Variants in LSAMP observed in about 807,000 individuals in gnomAD.
The protein encoded by LSAMP is limbic system associated membrane protein, also known as limbic system-associated membrane protein.
Under a neutral mutation model 38.6 loss-of-function variants are expected in LSAMP, and 7 were observed. The observed-to-expected ratio is 0.18, with a 90% confidence interval of 0.10 to 0.34. The LOEUF is 0.34. Among genes scored for constraint, LSAMP ranks in the 10% least tolerant of loss-of-function variants. The pLI is 1.00. For missense variants in LSAMP, 313 were observed against 420.0 expected (o/e 0.75, Z 2.23); for synonymous variants, 154 against 166.8 (o/e 0.92, Z 0.59).
intron 1 of LSAMP, among the ~76,000 whole-genome samples, chr3:116,347,586 T>C (rs911001840): frequency 2.0e-5 from 3 of 152,148 alleles, no homozygotes; most frequent in African/African-American, 7.2e-5. Context: ...AATATTTAGA[T>C]ATATTTGTTT....
chr3:115,938,290 C>T (rs1272060796), intron 3 of LSAMP, among the ~76,000 whole-genome samples: 1 of 152,114 alleles, frequency 6.6e-6, no homozygotes, highest in Non-Finnish European at 1.5e-5. Flanking sequence ...AAAATAAATA[C>T]ATCATTGTAC....
chr3:116,160,583 G>T (rs986272047), intron 1 of LSAMP, among the ~76,000 whole-genome samples: 1 of 152,112 alleles, frequency 6.6e-6, no homozygotes, highest in African/African-American at 2.4e-5. Flanking sequence ...TTACCTGGGT[G>T]ATGAAATAAT....
intron 1 of LSAMP, among the ~76,000 whole-genome samples, chr3:116,265,158 A>C (rs1433840862): frequency 1.3e-5 from 2 of 152,192 alleles, no homozygotes; most frequent in Admixed American, 1.3e-4. Flanking sequence ...GGGGACAAAG[A>C]CCTAATATAT....
intron 1 of LSAMP, among the ~76,000 whole-genome samples, chr3:116,265,663 C>A (rs1189842886): frequency 6.6e-6 from 1 of 152,152 alleles, no homozygotes; most frequent in African/African-American, 2.4e-5. Flanking sequence ...TCATCCTCCC[C>A]ACCTGTGAAA....
chr3:115,823,647 AAAAC>A (rs1181937155), intron 6 of LSAMP, among the ~76,000 whole-genome samples: 2 of 152,220 alleles, frequency 1.3e-5, no homozygotes, highest in African/African-American at 2.4e-5. Flanking sequence ...TTTTTTAAAA[AAAAC>A]CTTTAAATGT....
chr3:116,206,104 A>T (rs2046064332), intron 1 of LSAMP, among the ~76,000 whole-genome samples: 1 of 151,058 alleles, frequency 6.6e-6, no homozygotes, highest in Non-Finnish European at 1.5e-5. Flanking sequence ...CTATTCAGAG[A>T]TTCAACTTCT....
At chr3:116,222,741 TTTTTTTTTTTTTTTTG>T in intron 1 of LSAMP, among the ~76,000 whole-genome samples, 1 of 119,812 alleles carries the variant, frequency 8.3e-6, no homozygotes, top group African/African-American at 3.3e-5. Flanking sequence ...TTTTTTTTTT[TTTTTTTTTTTTTTTTG>T]AGATGGAGTC....
chr3:116,007,281 A>G (rs1035055222), intron 3 of LSAMP, among the ~76,000 whole-genome samples: 1 of 120,674 alleles, frequency 8.3e-6, no homozygotes, highest in South Asian at 2.3e-4. Flanking sequence ...AAAGGAAATG[A>G]CAAGGTATTT....
In LSAMP at chr3:116,024,802, T is replaced by TTAA. The variant is rs200360142; in HGVS notation, c.389-5163_389-5162insTTA. 4.6e-3 allele frequency among the ~76,000 whole-genome samples: 694 copies of TTAA among 150,886 alleles called. 2 individuals carry two copies. Among genetic ancestry groups the TTAA allele is most frequent in the African/African-American group, 0.016 (663 of 41,216 alleles). ...GAAGTAAAATGTATTATTATTATTA[T>TTAA]TATCATTATCATTATTACTACCACT... On this transcript the variant is annotated intron_variant, in intron 2 of 6. Transcript: ENST00000490035.
intron 1 of LSAMP, among the ~76,000 whole-genome samples, chr3:116,198,619 A>C (rs763289599): frequency 1.1e-4 from 17 of 151,752 alleles, no homozygotes; most frequent in Non-Finnish European, 2.4e-4. Flanking sequence ...AAAATACAAA[A>C]AATTAGCCGG....
Position 115,810,891 on chromosome 3 carries a change from G to C in LSAMP, c.920-477C>G, listed in dbSNP as rs977779965. 2.0e-5 allele frequency among the ~76,000 whole-genome samples: 3 copies of C among 152,140 alleles called. No individual in the cohort carries two copies. In the East Asian group the frequency reaches 5.8e-4, roughly 29 times the overall value. On this transcript the variant is annotated intron_variant, in intron 6 of 6. Transcript: ENST00000490035. The stretch of plus-strand genomic sequence containing the variant: ...AATCCACGACTCCCTCTGTCCCCGG[G>C]GGGAGGCAGTAATTACTTATTTGCT...
chr3:116,368,193 C>T (rs1214713791), intron 1 of LSAMP: 4 of 152,196 alleles, frequency 2.6e-5, no homozygotes, highest in Non-Finnish European at 5.9e-5. Context: ...AGAGTTCCAC[C>T]GCAACCGTGC....
intron 1 of LSAMP, among the ~76,000 whole-genome samples, chr3:116,406,497 TA>T (rs2048899745): frequency 6.6e-6 from 1 of 152,102 alleles, no homozygotes; most frequent in Non-Finnish European, 1.5e-5. Flanking sequence ...CCTCTTTTTT[TA>T]CTCTGCTGTC....
At chr3:116,376,194 T>C (rs1486937849) in intron 1 of LSAMP, among the ~76,000 whole-genome samples, 1 of 152,054 alleles carries the variant, frequency 6.6e-6, no homozygotes, top group African/African-American at 2.4e-5. Flanking sequence ...GAATGCTCTT[T>C]GAATTCTGAT....
chr3:115,893,614 CTCTT>C (rs1248403554), intron 3 of LSAMP, among the ~76,000 whole-genome samples: 13 of 151,920 alleles, frequency 8.6e-5, no homozygotes, highest in African/African-American at 2.2e-4. Flanking sequence ...ATTGAGTTGT[CTCTT>C]TATTTGCTCT....
chr3:116,269,555 G>GTAAT (rs2107668237), intron 1 of LSAMP, among the ~76,000 whole-genome samples: 1 of 151,954 alleles, frequency 6.6e-6, no homozygotes, highest in South Asian at 2.1e-4. Context: ...TTTTCTTTAC[G>GTAAT]TAATTCTGTT....
chr3:115,898,193 A>G (rs1936776553), intron 3 of LSAMP, among the ~76,000 whole-genome samples: 1 of 152,172 alleles, frequency 6.6e-6, no homozygotes, highest in South Asian at 2.1e-4. Context: ...TATGCAAAAA[A>G]TAGTTTCTAC....
intron 2 of LSAMP, among the ~76,000 whole-genome samples, chr3:116,084,256 A>G (rs1478861880): frequency 6.6e-6 from 1 of 152,050 alleles, no homozygotes; most frequent in Admixed American, 6.6e-5. Context: ...TTTCATTTGC[A>G]CTGCCATGTC....
At chr3:116,351,704 A>T (rs2048142821) in intron 1 of LSAMP, among the ~76,000 whole-genome samples, 1 of 152,104 alleles carries the variant, frequency 6.6e-6, no homozygotes, top group Non-Finnish European at 1.5e-5. Flanking sequence ...TTGTCTGTTT[A>T]TCTGGAATGC....
Sources: gnomAD v4.1 joint callset for allele counts (sites outside exome capture counted in the v4.1 genomes callset) on GRCh38, gnomAD v4.1.1 for gene constraint, MANE v1.5 for transcripts, NCBI Gene and HGNC (gene_info 2026-07-23, HGNC 2026-07-21) for gene names.